The following PSMD5 variants were observed in gnomAD, a reference collection of about 807,000 sequenced individuals.
PSMD5 encodes the protein 26S proteasome non-ATPase regulatory subunit 5.
PSMD5 carries 40 observed loss-of-function variants against 52.1 expected under a neutral mutation model. The ratio of observed to expected loss-of-function variants is 0.77; its 90% CI spans 0.60 to 1.00. The LOEUF (loss-of-function observed/expected upper bound fraction) is 1.00, where lower values mean the gene tolerates loss of function less well. Ranked by LOEUF, PSMD5 falls within the 50% of genes least tolerant of loss-of-function variation. The pLI is 0.00. For synonymous variants in PSMD5, 211 were observed against 226.6 expected (o/e 0.93, Z 0.62); for missense variants, 575 against 605.2 (o/e 0.95, Z 0.52).
chr9:120,822,995 AT>A (rs1056235603), intron 7 of PSMD5, among the ~76,000 whole-genome samples: 4 of 150,744 alleles, frequency 2.7e-5, no homozygotes, highest in Admixed American at 6.6e-5. Flanking sequence ...CAGCTGGCTA[AT>A]TTTTTTTGTT....
At chr9:120,821,250 G>T in intron 8 of PSMD5, 105 bp downstream of exon 8, 3 of 834,094 alleles carry the variant, frequency 3.6e-6, no homozygotes, top group South Asian at 2.1e-5. Context: ...ATATAATGAG[G>T]GTTATCTTCT....
intron 1 of PSMD5, among the ~76,000 whole-genome samples, chr9:120,833,868 G>C (rs1446633886): frequency 6.7e-6 from 1 of 149,664 alleles, no homozygotes; most frequent in East Asian, 2.0e-4. Context: ...TAGAGACGAG[G>C]TTTCACCATG....
intron 7 of PSMD5, among the ~76,000 whole-genome samples, chr9:120,822,438 G>A (rs1335119787): frequency 6.6e-6 from 1 of 152,194 alleles, no homozygotes; most frequent in Non-Finnish European, 1.5e-5. Context: ...GTTCTTTGCA[G>A]GACTGTAAAA....
intron 9 of PSMD5, among the ~76,000 whole-genome samples, chr9:120,819,531 G>A (rs2045068072): frequency 6.6e-6 from 1 of 152,204 alleles, no homozygotes; most frequent in South Asian, 2.1e-4. Context: ...CAAGGGTGAA[G>A]CAGTCTTAAA....
intron 5 of PSMD5, 50 bp from the exon 6 acceptor site, chr9:120,826,957 T>A: frequency 6.5e-7 from 1 of 1,548,198 alleles, no homozygotes. Flanking sequence ...AGGATTTGCA[T>A]AGTTTATAAA....
rs376672590 is a variant in PSMD5, at chr9:120,818,109, C to G, written c.1312G>C (p.Val438Leu). 2 of 1,614,094 alleles carry G rather than the reference C, an allele frequency of 1.2e-6. No homozygotes were observed. The highest frequency in any genetic ancestry group is 1.7e-5 in the Admixed American group (1 of 60,014). ...QKLMFNSPGF[V>L]EYVVDRSVEH... ...ACAGACCGGTCCACCACATATTCTA[C>G]AAAACCTGGACTGTTAAACATAAGT... is the stretch of plus-strand genomic sequence containing the variant. The change falls in exon 10 of 10, where the codon GTA becomes CTA. Residue 438 changes from valine (V) to leucine (L), a missense_variant. Physicochemically the swap from Val to Leu is conservative, Grantham distance 32 (BLOSUM62 1). Coordinates refer to ENST00000210313, the MANE Select transcript of PSMD5 (RefSeq NM_005047.4).
intron 7 of PSMD5, among the ~76,000 whole-genome samples, chr9:120,822,294 AG>A (rs1282362919): frequency 6.6e-6 from 1 of 152,228 alleles, no homozygotes; most frequent in Non-Finnish European, 1.5e-5. Context: ...AGCATATATA[AG>A]GCAAAGTTAT....
Position 120,829,140 on chromosome 9 carries a change from G to C in PSMD5, c.630C>G (p.Thr210=). The C allele has an allele frequency of 6.2e-7, 1 of 1,608,208 alleles. No homozygotes were observed. Among genetic ancestry groups the C allele is most frequent in the Non-Finnish European group, 8.5e-7 (1 of 1,176,814 alleles). Residue 210 remains threonine (T), a synonymous_variant, in exon 5 of 10, where the codon ACC becomes ACG. Coordinates refer to ENST00000210313, the MANE Select transcript of PSMD5 (RefSeq NM_005047.4). ...CACCAGTCAGCTCTCTCAGGAGCTG[G>C]GTTACCAATCCACTTGTGGTACAGT... ...LNYCTTSGLV[T]QLLRELTGED...
rs1206550449 is a variant in PSMD5 at position 120,821,376 on chromosome 9, A to G, written c.1095T>C (p.Ile365=). 1.3e-6 allele frequency: 2 copies of G among 1,599,292 alleles called. No individual in the cohort carries two copies. The highest frequency in any genetic ancestry group is 1.7e-5 in the Admixed American group (1 of 58,610). The change falls in exon 8 of 10, where the codon ATT becomes ATC. Residue 365 remains isoleucine (I), a synonymous_variant. Transcript: ENST00000210313. The stretch of plus-strand genomic sequence containing the variant: ...TTACTGGTAAGTACAGAAGAGATGA[A>G]ATTGCATCCAAACATCTAATTTTTA... ...VELKIRCLDA[I]SSLLYLPPEQ...
At chr9:120,825,782 T>C (rs186324610) in intron 6 of PSMD5, among the ~76,000 whole-genome samples, 7 of 152,308 alleles carry the variant, frequency 4.6e-5, no homozygotes, top group Admixed American at 2.6e-4. Flanking sequence ...TGCAGCTTTA[T>C]TGAATTTATT....
At chr9:120,833,223 A>C in intron 2 of PSMD5, 89 bp downstream of exon 2, 1 of 1,420,258 alleles carries the variant, frequency 7.0e-7, no homozygotes, top group East Asian at 2.3e-5. Context: ...GGAGAGAGAG[A>C]AATACTGTGC....
In PSMD5 at chr9:120,842,819, C is replaced by G; in HGVS notation, c.91G>C (p.Ala31Pro). 6.2e-7 allele frequency: 1 copy of G among 1,611,886 alleles called. No homozygotes were observed. The highest frequency in any genetic ancestry group is 8.5e-7 in the Non-Finnish European group (1 of 1,179,820). Reference sequence around the variant, plus strand: ...TGGCGAAGCTCGTTGAGCGGCACTGCCTGCAGCACGGAGTGAAGCGCGCGT... The same window carrying G: ...TGGCGAAGCTCGTTGAGCGGCACTGGCTGCAGCACGGAGTGAAGCGCGCGT... ...ELRALHSVLQ[A>P]VPLNELRQQA... The change falls in exon 1 of 10, where the codon GCA becomes CCA. Residue 31 changes from alanine (A) to proline (P), a missense_variant. Ala to Pro is a conservative substitution (Grantham distance 27, BLOSUM62 -1). Coordinates refer to ENST00000210313, the MANE Select transcript of PSMD5 (RefSeq NM_005047.4).
At chr9:120,835,475 A>C (rs548323695) in intron 1 of PSMD5, among the ~76,000 whole-genome samples, 2 of 152,344 alleles carry the variant, frequency 1.3e-5, no homozygotes, top group East Asian at 3.9e-4. Context: ...CTGTAATCCC[A>C]GCACTTTGGG....
At chr9:120,832,521 T>C (rs988338337) in intron 2 of PSMD5, among the ~76,000 whole-genome samples, 2 of 151,506 alleles carry the variant, frequency 1.3e-5, no homozygotes, top group African/African-American at 4.9e-5. Flanking sequence ...CTCAGGCTCC[T>C]GAGTAGCTGG....
intron 7 of PSMD5, 32 bp downstream of exon 7, chr9:120,824,462 G>GA (rs1173555613): frequency 1.2e-6 from 2 of 1,602,734 alleles, no homozygotes; most frequent in East Asian, 4.5e-5. Context: ...CAAAGATTAA[G>GA]ATATCCCTGA....
In PSMD5 at chr9:120,818,080, C is replaced by A. The variant is rs1169256319; in HGVS notation, c.1341G>T (p.Glu447Asp). 2 of 1,614,080 alleles carry A rather than the reference C, an allele frequency of 1.2e-6. No individual in the cohort carries two copies. The highest frequency in any genetic ancestry group is 1.7e-6 in the Non-Finnish European group (2 of 1,180,042). ...TGGCATCCTTTGAAGCTTTGTCATG[C>A]TCCACAGACCGGTCCACCACATATT... is the stretch of plus-strand genomic sequence containing the variant. ...FVEYVVDRSV[E>D]HDKASKDAKY... The change falls in exon 10 of 10, where the codon GAG becomes GAT. Residue 447 changes from glutamate (E) to aspartate (D), a missense_variant. Coordinates refer to ENST00000210313, the MANE Select transcript of PSMD5 (RefSeq NM_005047.4).
In PSMD5 at chr9:120,816,358, A is replaced by G. The variant is rs2045042405; in HGVS notation, c.*1548T>C. 6.6e-6 allele frequency: 1 copy of G among 152,230 alleles called. No homozygotes were observed. The highest frequency in any genetic ancestry group is 1.5e-5 in the Non-Finnish European group (1 of 68,042). 9.4% of individuals were successfully genotyped at this position (152,230 alleles called of 1,614,324 possible). A position where few individuals can be genotyped will look rare whatever the true frequency, so the allele number is the denominator to read the frequency against. On this transcript the variant is annotated 3_prime_UTR_variant, in exon 10 of 10. Coordinates refer to ENST00000210313, the MANE Select transcript of PSMD5 (RefSeq NM_005047.4). ...ACTGAACTGTACACTTAAAATAGTT[A>G]TGACAAATTTTATTGTATATATTGC...
At chr9:120,833,721 C>A (rs376650090) in intron 1 of PSMD5, among the ~76,000 whole-genome samples, 28 of 145,282 alleles carry the variant, frequency 1.9e-4, no homozygotes, top group African/African-American at 6.6e-4. Context: ...CTCTGTCGCC[C>A]AGGCTGGAGT....
intron 1 of PSMD5, among the ~76,000 whole-genome samples, chr9:120,835,590 T>C (rs1405592996): frequency 6.6e-6 from 1 of 151,892 alleles, no homozygotes; most frequent in Non-Finnish European, 1.5e-5. Flanking sequence ...TAGCTGGGTG[T>C]GGTAGTGGGC....
Sources: allele counts gnomAD v4.1 joint callset (sites outside exome capture counted in the v4.1 genomes callset), GRCh38; gene constraint gnomAD v4.1.1; transcripts MANE v1.5; gene names NCBI Gene and HGNC (gene_info 2026-07-23, HGNC 2026-07-21).